NBPF19: variants seen among roughly 807,000 people sequenced by gnomAD.
NBPF19 encodes the protein NBPF family member NBPF19.
In NBPF19, 30 loss-of-function variants were observed where a neutral mutation model predicts 45.9. That is an observed-to-expected ratio of 0.65 (90% confidence interval 0.49 to 0.89). NBPF19 has a LOEUF of 0.89. Ranked by LOEUF, NBPF19 falls within the 40% of genes least tolerant of loss-of-function variation. The pLI is 0.00. For missense variants in NBPF19, 495 were observed against 471.8 expected, an observed-to-expected ratio of 1.05 and a Z score of -0.46; for synonymous variants, 183 against 181.2, an observed-to-expected ratio of 1.01 and a Z score of -0.08.
At position 149,476,951 on chromosome 1, in the gene NBPF19, A is replaced by G. The variant is rs1358439849; in HGVS notation, c.175+844A>G. ...CTCGTCAAAAAACAAACAAACAAAA[A>G]GATAAATAAATCAAAAATAAAAATA... On this transcript the variant is annotated intron_variant, in intron 2 of 93. Coordinates refer to ENST00000651566, the MANE Select transcript of NBPF19 (RefSeq NM_001351365.2). 5.7e-3 allele frequency among the ~76,000 whole-genome samples: 824 copies of G among 143,716 alleles called. 5 individuals are homozygous for G. The highest frequency in any genetic ancestry group is 0.023 in the African/African-American group (789 of 34,196). 94.3% of individuals were successfully genotyped at this position (143,716 alleles called of 152,430 possible). A position where few individuals can be genotyped will look rare whatever the true frequency, so the allele number is the denominator to read the frequency against.
intron 93 of NBPF19, among the ~76,000 whole-genome samples, chr1:149,554,195 G>C (rs1218942982): frequency 2.7e-5 from 4 of 149,976 alleles, no homozygotes; most frequent in African/African-American, 9.7e-5. Flanking sequence ...TGTGTGTCAT[G>C]AGGGCACTAA....
At chr1:149,486,532 G>A (rs1202969303) in intron 8 of NBPF19, among the ~76,000 whole-genome samples, 1 of 151,406 alleles carries the variant, frequency 6.6e-6, no homozygotes, top group Non-Finnish European at 1.5e-5. Context: ...TGGACTGACT[G>A]TCACGACATT....
intron 93 of NBPF19, 71 bp from the exon 94 acceptor site, chr1:149,554,424 C>T: frequency 1.2e-6 from 2 of 1,607,344 alleles, no homozygotes; most frequent in East Asian, 2.2e-5. Context: ...TATGTGACTT[C>T]TGAAATCTAG....
rs1291302758 is a variant in NBPF19, at chr1:149,554,335, C to G, written c.11289-160C>G. 1.5e-4 allele frequency among the ~76,000 whole-genome samples: 23 copies of G among 151,640 alleles called. No individual in the cohort carries two copies. The South Asian group carries it at 4.4e-3, about 29-fold the overall frequency. On this transcript the variant is annotated intron_variant, in intron 93 of 93. Transcript: ENST00000651566. ...TCATTGTTTTCTACCTGGCCCTGTT[C>G]TATCCCAACATAAAGGCAATAAATT...
In NBPF19 at chr1:149,478,433, G is replaced by T. The variant is rs1341568961; in HGVS notation, c.278+386G>T. 1.6e-4 allele frequency among the ~76,000 whole-genome samples: 24 copies of T among 151,300 alleles called. 1 individual carries two copies. The highest frequency in any genetic ancestry group is 5.1e-4 in the African/African-American group (21 of 41,238). ...CTTCTCATTCTTTCACTCAATCAAT[G>T]TTGCCTTCTTGACCCTGTCCTTCTT... is the stretch of plus-strand genomic sequence containing the variant. On this transcript the variant is annotated intron_variant, in intron 3 of 93. Coordinates refer to ENST00000651566, the MANE Select transcript of NBPF19 (RefSeq NM_001351365.2).
chr1:149,528,926 C>G (rs1176775975), intron 61 of NBPF19, among the ~76,000 whole-genome samples: 32 of 128,774 alleles, frequency 2.5e-4, no homozygotes, highest in Non-Finnish European at 3.1e-4. Context: ...GGACAATTCA[C>G]TGAGCTCGTT....
intron 73 of NBPF19, among the ~76,000 whole-genome samples, 199 bp from the exon 74 acceptor site, chr1:149,538,477 G>T (rs1418328245): frequency 5.9e-5 from 2 of 33,752 alleles, no homozygotes; most frequent in African/African-American, 1.6e-4. Context: ...GTGTGTGTGT[G>T]TCTATCTGTC....
Position 149,554,452 on chromosome 1 carries a change from T to C in NBPF19, c.11289-43T>C, listed in dbSNP as rs1357390647. The C allele has an allele frequency of 1.1e-5, 17 of 1,608,176 alleles. 1 individual carries two copies. Among genetic ancestry groups the C allele is most frequent in the Non-Finnish European group, 1.2e-5 (14 of 1,176,654 alleles). ...AAATCTAGTGGGGCTCTGTGGTGTC[T>C]GATTTTCCCTGGCTGCTTCTTTAGT... On this transcript the variant is annotated intron_variant, in intron 93 of 93. Coordinates refer to ENST00000651566, the MANE Select transcript of NBPF19 (RefSeq NM_001351365.2).
intron 7 of NBPF19, among the ~76,000 whole-genome samples, chr1:149,484,339 G>T (rs2085383517): frequency 1.2e-5 from 1 of 84,542 alleles, no homozygotes; most frequent in South Asian, 6.3e-4. Flanking sequence ...ACACACTGGG[G>T]CCTGTTGTAG....
In NBPF19 at chr1:149,554,793, G is replaced by T. The variant is rs1456357329; in HGVS notation, c.*55G>T. The stretch of plus-strand genomic sequence containing the variant: ...TCCTGCAGGCAGGACCTATAGGCAC[G>T]TGAAGATTTGAATGAAACTACAGTT... On this transcript the variant is annotated 3_prime_UTR_variant, in exon 94 of 94. Transcript: ENST00000651566. 2 of 1,605,170 alleles carry T rather than the reference G, an allele frequency of 1.2e-6. No homozygotes were observed. Among genetic ancestry groups the T allele is most frequent in the South Asian group, 2.2e-5 (2 of 90,754 alleles).
intron 8 of NBPF19, 98 bp from the exon 9 acceptor site, chr1:149,487,234 G>C (rs2085585096): frequency 4.7e-6 from 4 of 842,684 alleles, no homozygotes; most frequent in Admixed American, 3.4e-5. Flanking sequence ...TTCTCACACT[G>C]ACAAGACTGA....
chr1:149,554,223 C>T (rs2087144747), intron 93 of NBPF19, among the ~76,000 whole-genome samples: 1 of 151,558 alleles, frequency 6.6e-6, no homozygotes, highest in Non-Finnish European at 1.5e-5. Flanking sequence ...TGTCCTTTTA[C>T]TCCCTTACCA....
At chr1:149,484,876 G>A (rs1230057734) in intron 7 of NBPF19, among the ~76,000 whole-genome samples, 2,166 of 133,108 alleles carry the variant, frequency 0.016, 33 homozygotes, top group East Asian at 0.13. Flanking sequence ...CATTCTCCCC[G>A]TCACTTTCAG....
chr1:149,520,993 C>T (rs2086696228), intron 51 of NBPF19, among the ~76,000 whole-genome samples: 1 of 36,352 alleles, frequency 2.8e-5, no homozygotes, highest in African/African-American at 1.1e-4. Flanking sequence ...TGCTGTGTGT[C>T]ATGAGGGCAC....
intron 3 of NBPF19, 89 bp downstream of exon 3, chr1:149,478,136 C>T (rs1429189508): frequency 2.5e-6 from 2 of 814,146 alleles, no homozygotes; most frequent in African/African-American, 1.7e-5. Flanking sequence ...AAGAACGAAG[C>T]TGGGCCAGGG....
chr1:149,487,041 T>A (rs1445017406), intron 8 of NBPF19, among the ~76,000 whole-genome samples: 2 of 150,740 alleles, frequency 1.3e-5, no homozygotes, highest in African/African-American at 4.9e-5. Flanking sequence ...GTGTTAGAAC[T>A]ATTTGCCTAC....
Position 149,487,343 on chromosome 1 carries a change from G to A in NBPF19, c.1000G>A (p.Asp334Asn), listed in dbSNP as rs9424765. Reference protein sequence around the residue: ...MAVDIGRHRWDQVKKEDQEAT... With the variant: ...MAVDIGRHRWNQVKKEDQEAT... ...GAATTTATTTGCAGGACATCGCTGGGATCAAGTGAAAAAGGAGGACCAAGA... is the reference window on the plus strand; with the variant it reads ...GAATTTATTTGCAGGACATCGCTGGAATCAAGTGAAAAAGGAGGACCAAGA... The change falls in exon 9 of 94, where the codon GAT (aspartate) becomes AAT (asparagine). Residue 334 changes from aspartate (D) to asparagine (N), a missense_variant. Asp to Asn is a conservative substitution (Grantham distance 23, BLOSUM62 1). Around this residue, in one of 8 missense-constraint regions of NBPF19, gnomAD observed 146 missense variants for 67.3 expected, o/e 2.17. Transcript: ENST00000651566. 3 of 1,564,276 alleles carry A rather than the reference G, an allele frequency of 1.9e-6. No individual in the cohort carries two copies. The highest frequency in any genetic ancestry group is 1.7e-5 in the Admixed American group (1 of 59,822).
intron 61 of NBPF19, among the ~76,000 whole-genome samples, chr1:149,528,945 C>CTGTG (rs1182341067): frequency 4.0e-3 from 421 of 105,470 alleles, no homozygotes; most frequent in Admixed American, 4.2e-3. Context: ...TTCTCTCTCT[C>CTGTG]TGTGTGTGTG....
In NBPF19 at chr1:149,554,936, C is replaced by G. The variant is rs1246407186; in HGVS notation, c.*198C>G. ...GACAATGGACCCACGTTAGGTGTGA[C>G]ACGTTCACATAACTGTGCAGCACAT... On this transcript the variant is annotated 3_prime_UTR_variant, in exon 94 of 94. Transcript: ENST00000651566. The G allele has an allele frequency of 1.6e-3, 1,510 of 915,290 alleles. 48 individuals carry two copies. Among genetic ancestry groups the G allele is most frequent in the South Asian group, 6.4e-3 (391 of 61,216 alleles). The allele number at this position is 915,290 out of a possible 1,614,324, so 56.7% of individuals were successfully genotyped here.
Sources: gnomAD v4.1 joint callset for allele counts (sites outside exome capture counted in the v4.1 genomes callset) on GRCh38, gnomAD v4.1.1 for gene constraint, gnomAD v4.1.1 regional missense constraint, MANE v1.5 for transcripts, NCBI Gene and HGNC (gene_info 2026-07-23, HGNC 2026-07-21) for gene names.